RNF11: variants seen among roughly 807,000 people sequenced by gnomAD.
RNF11 encodes ring finger protein 11.
A neutral mutation model predicts 15.8 loss-of-function variants in RNF11; 4 were observed. The ratio of observed to expected loss-of-function variants is 0.25; its 90% CI spans 0.12 to 0.58. RNF11 has a LOEUF of 0.58. Ranked by LOEUF, RNF11 falls within the 20% of genes least tolerant of loss-of-function variation. The pLI, the probability that RNF11 is intolerant of heterozygous loss-of-function variation, is 0.91. For missense variants in RNF11, 139 were observed against 194.4 expected (o/e 0.71, Z 1.70); for synonymous variants, 68 against 72.3 (o/e 0.94, Z 0.30).
In RNF11 at chr1:51,262,912, A is replaced by G. The variant is rs142229088; in HGVS notation, c.124-7044A>G. 1.1e-4 allele frequency among the ~76,000 whole-genome samples: 16 copies of G among 152,238 alleles called. 1 individual carries two copies. The East Asian group carries it at 3.1e-3, about 29-fold the overall frequency. On this transcript the variant is annotated intron_variant, in intron 1 of 2. Transcript: ENST00000242719. ...AAGATAATTTGCTATCAGAGAGGGCAAATCAAAATCACAATGAGATATCAC... is the reference window on the plus strand; with the variant it reads ...AAGATAATTTGCTATCAGAGAGGGCGAATCAAAATCACAATGAGATATCAC...
intron 1 of RNF11, among the ~76,000 whole-genome samples, chr1:51,241,017 A>G (rs1478851256): frequency 6.6e-6 from 1 of 152,058 alleles, no homozygotes; most frequent in Non-Finnish European, 1.5e-5. Context: ...GAGTTTTGCC[A>G]TGTTGACCAG....
At chr1:51,256,383 C>T in intron 1 of RNF11, among the ~76,000 whole-genome samples, 1 of 152,150 alleles carries the variant, frequency 6.6e-6, no homozygotes, top group East Asian at 1.9e-4. Context: ...CCATGTTTTT[C>T]ATGGCTTGAT....
intron 1 of RNF11, among the ~76,000 whole-genome samples, chr1:51,259,820 G>T (rs1481442007): frequency 6.6e-6 from 1 of 152,206 alleles, no homozygotes; most frequent in Non-Finnish European, 1.5e-5. Context: ...TGTTGTCAAA[G>T]AGTTAATAAG....
chr1:51,270,382 G>C (rs909242969), intron 2 of RNF11, among the ~76,000 whole-genome samples: 1 of 152,146 alleles, frequency 6.6e-6, no homozygotes, highest in African/African-American at 2.4e-5. Context: ...GGAGGCTGAG[G>C]TCGGGGGATC....
intron 1 of RNF11, among the ~76,000 whole-genome samples, chr1:51,268,647 ATT>A (rs1646965533): frequency 6.6e-6 from 1 of 152,210 alleles, no homozygotes; most frequent in Non-Finnish European, 1.5e-5. Context: ...GACCCTTTAT[ATT>A]ATCTTAGTCT....
Position 51,236,816 on chromosome 1 carries a change from G to A in RNF11, c.60G>A (p.Gln20=), listed in dbSNP as rs1426079598. The change falls in exon 1 of 3, where the codon CAG becomes CAA. Residue 20 remains glutamine (Q), a synonymous_variant. Coordinates refer to ENST00000242719, the MANE Select transcript of RNF11 (RefSeq NM_014372.5). ...ACATCTCCCTGCTTCACGAGTCTCAGTCCGACCGGGCTAGCTTTGGCGAGG... is the reference window on the plus strand; with the variant it reads ...ACATCTCCCTGCTTCACGAGTCTCAATCCGACCGGGCTAGCTTTGGCGAGG... The part of the protein sequence containing the change: ...SDDISLLHES[Q]SDRASFGEGT... 2.5e-6 allele frequency: 4 copies of A among 1,613,038 alleles called. No individual in the cohort carries two copies. Among genetic ancestry groups the A allele is most frequent in the Non-Finnish European group, 3.4e-6 (4 of 1,179,566 alleles).
chr1:51,240,547 A>G (rs977372396), intron 1 of RNF11, among the ~76,000 whole-genome samples: 4 of 147,602 alleles, frequency 2.7e-5, no homozygotes, highest in African/African-American at 5.0e-5. Flanking sequence ...AGGAAAGGGG[A>G]TTTTTTTTTT....
chr1:51,247,350 G>A (rs1483903339), intron 1 of RNF11, among the ~76,000 whole-genome samples: 1 of 152,180 alleles, frequency 6.6e-6, no homozygotes, highest in Non-Finnish European at 1.5e-5. Flanking sequence ...CAAGTAGCTG[G>A]GACCACAGGC....
At chr1:51,254,969 A>G (rs1646897639) in intron 1 of RNF11, among the ~76,000 whole-genome samples, 1 of 152,174 alleles carries the variant, frequency 6.6e-6, no homozygotes, top group Admixed American at 6.5e-5. Flanking sequence ...TTTTCTTTTC[A>G]TTATAGGCTC....
chr1:51,248,834 A>G (rs1041083048), intron 1 of RNF11, among the ~76,000 whole-genome samples: 1 of 152,204 alleles, frequency 6.6e-6, no homozygotes, highest in African/African-American at 2.4e-5. Flanking sequence ...AGTCAAAAAG[A>G]TAGCCTTCTG....
intron 1 of RNF11, among the ~76,000 whole-genome samples, chr1:51,237,663 G>A (rs1646811266): frequency 6.6e-6 from 1 of 151,962 alleles, no homozygotes; most frequent in African/African-American, 2.4e-5. Flanking sequence ...ACAATAATCA[G>A]TAGTCCCAGA....
At chr1:51,266,659 C>T (rs1433156173) in intron 1 of RNF11, among the ~76,000 whole-genome samples, 1 of 152,052 alleles carries the variant, frequency 6.6e-6, no homozygotes, top group African/African-American at 2.4e-5. Context: ...GACGGGGTTT[C>T]ACCATGTTGC....
chr1:51,245,119 G>A (rs185541734), intron 1 of RNF11, among the ~76,000 whole-genome samples: 3 of 152,280 alleles, frequency 2.0e-5, no homozygotes, highest in Non-Finnish European at 1.5e-5. Flanking sequence ...GAATGTAGTG[G>A]CATGGTCACG....
At chr1:51,247,462 T>C (rs1481067606) in intron 1 of RNF11, among the ~76,000 whole-genome samples, 3 of 151,872 alleles carry the variant, frequency 2.0e-5, no homozygotes, top group Non-Finnish European at 2.9e-5. Flanking sequence ...TTGTTTTTTT[T>C]TTTTGTAAAG....
chr1:51,247,157 A>G (rs1327891164), intron 1 of RNF11, among the ~76,000 whole-genome samples: 1 of 152,150 alleles, frequency 6.6e-6, no homozygotes, highest in Non-Finnish European at 1.5e-5. Context: ...GTCAGTGGAA[A>G]TGTGAGTGAA....
intron 1 of RNF11, among the ~76,000 whole-genome samples, chr1:51,242,117 A>G (rs899276312): frequency 1.3e-5 from 2 of 152,164 alleles, no homozygotes; most frequent in South Asian, 2.1e-4. Context: ...TCCTGAGAAA[A>G]TAAGTTTGTA....
chr1:51,237,193 T>G (rs1232268105), intron 1 of RNF11, among the ~76,000 whole-genome samples: 1 of 152,010 alleles, frequency 6.6e-6, no homozygotes. Flanking sequence ...TGTCTTTATG[T>G]CTGAATCGTA....
chr1:51,254,621 C>A (rs1646895943), intron 1 of RNF11, among the ~76,000 whole-genome samples: 2 of 151,982 alleles, frequency 1.3e-5, no homozygotes, highest in Admixed American at 1.3e-4. Flanking sequence ...TGCCACCACT[C>A]CCTGCTAATT....
At chr1:51,251,658 C>T (rs1646878866) in intron 1 of RNF11, among the ~76,000 whole-genome samples, 1 of 152,120 alleles carries the variant, frequency 6.6e-6, no homozygotes, top group Non-Finnish European at 1.5e-5. Context: ...AAAATTTGGG[C>T]TGGGCATGGT....
Sources: gnomAD v4.1 joint callset for allele counts (sites outside exome capture counted in the v4.1 genomes callset) on GRCh38, gnomAD v4.1.1 for gene constraint, MANE v1.5 for transcripts, NCBI Gene and HGNC (gene_info 2026-07-23, HGNC 2026-07-21) for gene names.